The following NEK11 variants were observed in gnomAD, a reference collection of about 807,000 sequenced individuals.
The protein encoded by NEK11 is serine/threonine-protein kinase Nek11.
A neutral mutation model predicts 80.7 loss-of-function variants in NEK11; 72 were observed. That is an observed-to-expected ratio of 0.89 (90% confidence interval 0.74 to 1.08). NEK11 has a LOEUF of 1.08. Among genes scored for constraint, NEK11 ranks in the 50% least tolerant of loss-of-function variants. NEK11 has a pLI of 0.00. For synonymous variants in NEK11, 251 were observed against 260.7 expected, an observed-to-expected ratio of 0.96 and a Z score of 0.36; for missense variants, 764 against 763.6, an observed-to-expected ratio of 1.00 and a Z score of -0.01.
At chr3:131,164,145 T>C (rs1253932376) in intron 11 of NEK11, among the ~76,000 whole-genome samples, 3 of 152,212 alleles carry the variant, frequency 2.0e-5, no homozygotes, top group African/African-American at 7.2e-5. Flanking sequence ...TTTAATAAAT[T>C]GGTAGAGAAA....
chr3:131,163,608 G>T (rs1260796173), intron 11 of NEK11, among the ~76,000 whole-genome samples: 4 of 152,164 alleles, frequency 2.6e-5, no homozygotes, highest in Non-Finnish European at 5.9e-5. Flanking sequence ...GGGAAATGTT[G>T]TCAAAAGGTA....
chr3:131,330,639 A>G (rs2097060515), intron 17 of NEK11: 1 of 152,148 alleles, frequency 6.6e-6, no homozygotes, highest in Non-Finnish European at 1.5e-5. Flanking sequence ...GTCTGTCATC[A>G]TTGTTACTGA....
At chr3:131,081,958 A>G (rs1164072708) in intron 4 of NEK11, among the ~76,000 whole-genome samples, 1 of 152,250 alleles carries the variant, frequency 6.6e-6, no homozygotes, top group African/African-American at 2.4e-5. Flanking sequence ...CCAAGTTAAA[A>G]TATCTGAACA....
At chr3:131,033,701 G>A (rs1368904927) in intron 3 of NEK11, among the ~76,000 whole-genome samples, 3 of 152,172 alleles carry the variant, frequency 2.0e-5, no homozygotes, top group African/African-American at 7.2e-5. Flanking sequence ...TTTGCATACA[G>A]GGTGACCTTT....
intron 14 of NEK11, among the ~76,000 whole-genome samples, chr3:131,171,765 T>C (rs2092707656): frequency 6.6e-6 from 1 of 152,162 alleles, no homozygotes. Flanking sequence ...GTTATCAATA[T>C]AGGTGTCTTC....
intron 16 of NEK11, among the ~76,000 whole-genome samples, chr3:131,247,764 A>G (rs982389131): frequency 3.3e-5 from 5 of 150,926 alleles, no homozygotes; most frequent in Admixed American, 6.6e-5. Context: ...TGCATCATCT[A>G]TGATTTCTTT....
chr3:131,123,705 G>A (rs966945333), intron 5 of NEK11, among the ~76,000 whole-genome samples: 3 of 151,792 alleles, frequency 2.0e-5, no homozygotes, highest in African/African-American at 7.3e-5. Context: ...CATCAGGTGA[G>A]TTTCTTTGGA....
intron 4 of NEK11, among the ~76,000 whole-genome samples, chr3:131,106,004 CTTA>C (rs1578338402): frequency 6.6e-6 from 1 of 152,094 alleles, no homozygotes; most frequent in East Asian, 1.9e-4. Context: ...AGTTGTTTTC[CTTA>C]TTATTTCTAG....
chr3:131,228,798 G>C, intron 15 of NEK11, 110 bp downstream of exon 15: 1 of 1,091,722 alleles, frequency 9.2e-7, no homozygotes, highest in South Asian at 1.9e-5. Context: ...TGGGGAACAG[G>C]GTTATTATAA....
intron 16 of NEK11, among the ~76,000 whole-genome samples, chr3:131,255,562 C>A (rs1165440524): frequency 6.6e-6 from 1 of 152,154 alleles, no homozygotes; most frequent in Non-Finnish European, 1.5e-5. Flanking sequence ...CCTTACATTC[C>A]AGTAGCACCA....
At chr3:131,158,653 T>A (rs1254226681) in intron 10 of NEK11, among the ~76,000 whole-genome samples, 1 of 152,204 alleles carries the variant, frequency 6.6e-6, no homozygotes, top group Non-Finnish European at 1.5e-5. Flanking sequence ...CAGGACCACA[T>A]GCACAGTTGC....
intron 5 of NEK11, among the ~76,000 whole-genome samples, chr3:131,123,315 C>T (rs547466453): frequency 7.4e-4 from 112 of 152,146 alleles, no homozygotes; most frequent in African/African-American, 2.4e-3. Context: ...TACAGGCATA[C>T]GCCACCATGC....
chr3:131,106,980 A>G (rs2079278385), intron 4 of NEK11, among the ~76,000 whole-genome samples: 1 of 152,170 alleles, frequency 6.6e-6, no homozygotes, highest in Admixed American at 6.6e-5. Flanking sequence ...TGATATTTGT[A>G]GAAAAGACTT....
chr3:131,323,348 A>G (rs2096917216), intron 17 of NEK11, among the ~76,000 whole-genome samples: 1 of 152,164 alleles, frequency 6.6e-6, no homozygotes, highest in African/African-American at 2.4e-5. Flanking sequence ...GTCAGCCTCA[A>G]TTATTGTTTT....
intron 15 of NEK11, among the ~76,000 whole-genome samples, chr3:131,235,034 C>G (rs966717016): frequency 6.6e-6 from 1 of 152,086 alleles, no homozygotes; most frequent in Non-Finnish European, 1.5e-5. Flanking sequence ...CAAATCTGAG[C>G]AGGAATGCAA....
At chr3:131,109,970 G>A in intron 5 of NEK11, 49 bp downstream of exon 5, 2 of 1,532,552 alleles carry the variant, frequency 1.3e-6, no homozygotes, top group Non-Finnish European at 1.7e-6. Context: ...TAACAGTCAT[G>A]TTTGAACTTG....
chr3:131,050,543 A>G (rs989052227), intron 3 of NEK11, among the ~76,000 whole-genome samples: 3 of 152,266 alleles, frequency 2.0e-5, no homozygotes, highest in African/African-American at 7.2e-5. Flanking sequence ...AGACAAGGAC[A>G]TAAAACTTAC....
chr3:131,153,451 T>C (rs982737365), intron 9 of NEK11, among the ~76,000 whole-genome samples: 2 of 152,182 alleles, frequency 1.3e-5, no homozygotes, highest in Non-Finnish European at 2.9e-5. Context: ...AGAGGCTGTG[T>C]CTCAGGTATT....
At chr3:131,080,316 G>A (rs1019768833) in intron 3 of NEK11, 107 bp from the exon 4 acceptor site, 3 of 772,514 alleles carry the variant, frequency 3.9e-6, no homozygotes, top group Non-Finnish European at 6.1e-6. Context: ...CCAGATATAT[G>A]AGTAGGTCAC....
Sources: gnomAD v4.1 joint callset for allele counts (sites outside exome capture counted in the v4.1 genomes callset) on GRCh38, gnomAD v4.1.1 for gene constraint, MANE v1.5 for transcripts, NCBI Gene and HGNC (gene_info 2026-07-23, HGNC 2026-07-21) for gene names.